The following WWOX variants were observed in gnomAD, a reference collection of about 807,000 sequenced individuals.
The protein encoded by WWOX is WW domain-containing oxidoreductase.
A neutral mutation model predicts 46.2 loss-of-function variants in WWOX; 69 were observed. The observed-to-expected ratio is 1.49, with a 90% CI of 1.23 to 1.82. The LOEUF is 1.82. Among genes scored for constraint, WWOX ranks in the 40% most tolerant of loss-of-function variants. The pLI is 0.00. For missense variants in WWOX, 919 were observed against 542.6 expected (o/e 1.69, Z -6.89); for synonymous variants, 359 against 202.6 (o/e 1.77, Z -6.56).
intron 5 of WWOX, among the ~76,000 whole-genome samples, chr16:78,269,999 T>A (rs551750109): frequency 1.3e-5 from 2 of 152,102 alleles, no homozygotes; most frequent in Non-Finnish European, 2.9e-5. Flanking sequence ...TTTCTGTTTT[T>A]AACTAAAGAT....
At chr16:78,312,331 G>C (rs1213504848) in intron 5 of WWOX, among the ~76,000 whole-genome samples, 4 of 150,162 alleles carry the variant, frequency 2.7e-5, no homozygotes, top group Admixed American at 1.3e-4. Context: ...TTCAAGTAAG[G>C]AAACACTTAT....
chr16:78,599,887 G>A (rs563744293), intron 8 of WWOX, among the ~76,000 whole-genome samples: 2 of 152,232 alleles, frequency 1.3e-5, no homozygotes, highest in South Asian at 2.1e-4. Flanking sequence ...GTCAACCACC[G>A]CATTTCTAGG....
intron 5 of WWOX, among the ~76,000 whole-genome samples, chr16:78,218,662 G>A (rs769914009): frequency 6.6e-6 from 1 of 152,190 alleles, no homozygotes; most frequent in African/African-American, 2.4e-5. Flanking sequence ...GATTTATGAT[G>A]TGTAGCGTGG....
intron 8 of WWOX, among the ~76,000 whole-genome samples, chr16:78,952,938 T>C (rs1238503718): frequency 6.6e-6 from 1 of 151,892 alleles, no homozygotes; most frequent in East Asian, 1.9e-4. Context: ...GCTCAGAAGA[T>C]GGATGGGCCA....
intron 8 of WWOX, among the ~76,000 whole-genome samples, chr16:79,049,319 C>T (rs767226598): frequency 3.9e-5 from 6 of 152,156 alleles, no homozygotes; most frequent in Non-Finnish European, 7.3e-5. Context: ...GCAAGCAGCA[C>T]GTGCCCGCTC....
At chr16:78,735,385 CCACACACAAACACACA>C (rs1310493621) in intron 8 of WWOX, among the ~76,000 whole-genome samples, 1 of 103,914 alleles carries the variant, frequency 9.6e-6, no homozygotes, top group Non-Finnish European at 1.8e-5. Context: ...GTCATACACA[CCACACACAAACACACA>C]CACACACACA....
chr16:78,640,640 T>C (rs2046684972), intron 8 of WWOX, among the ~76,000 whole-genome samples: 1 of 151,894 alleles, frequency 6.6e-6, no homozygotes, highest in African/African-American at 2.4e-5. Context: ...ACTTAAAAGT[T>C]GGTGAAAGAA....
intron 1 of WWOX, among the ~76,000 whole-genome samples, chr16:78,100,677 G>A (rs1238761367): frequency 1.3e-5 from 2 of 152,188 alleles, no homozygotes; most frequent in African/African-American, 4.8e-5. Flanking sequence ...GTTTAATCTT[G>A]GTTTTTTCAC....
At chr16:78,304,635 G>A (rs868411681) in intron 5 of WWOX, among the ~76,000 whole-genome samples, 11 of 152,216 alleles carry the variant, frequency 7.2e-5, no homozygotes, top group African/African-American at 2.2e-4. Context: ...ATAATCCATT[G>A]CAGAGCTGGT....
At chr16:79,153,759 G>T (rs993738976) in intron 8 of WWOX, among the ~76,000 whole-genome samples, 1 of 152,028 alleles carries the variant, frequency 6.6e-6, no homozygotes, top group Non-Finnish European at 1.5e-5. Flanking sequence ...TTTTTGGGGG[G>T]GGTTTTTTGT....
At chr16:78,843,351 C>T (rs985828212) in intron 8 of WWOX, among the ~76,000 whole-genome samples, 4 of 150,104 alleles carry the variant, frequency 2.7e-5, no homozygotes, top group African/African-American at 9.7e-5. Flanking sequence ...CATGTCCAAC[C>T]CAATCTGGAA....
intron 8 of WWOX, among the ~76,000 whole-genome samples, chr16:78,662,091 GGTA>G (rs201619749): frequency 8.6e-5 from 13 of 151,936 alleles, no homozygotes; most frequent in African/African-American, 3.1e-4. Flanking sequence ...TGGTGGTGGT[GGTA>G]GTAGTAGTAG....
chr16:79,211,710 G>C lies in WWOX; in HGVS notation c.1159G>C (p.Glu387Gln), dbSNP rs779872977. The C allele has an allele frequency of 6.2e-7, 1 of 1,614,244 alleles. No individual in the cohort carries two copies. Reference protein sequence around the residue: ...NNCCRCMPSPEAQSEETARTL... With the variant: ...NNCCRCMPSPQAQSEETARTL... ...CTGCTGCCGCTGCATGCCCTCACCA[G>C]AAGCTCAGAGCGAAGAGACGGCCCG... is the stretch of plus-strand genomic sequence containing the variant. Residue 387 changes from glutamate (E) to glutamine (Q), a missense_variant, in exon 9 of 9, where the codon GAA (glutamate) becomes CAA (glutamine). Glu to Gln is a conservative substitution (Grantham distance 29). Coordinates refer to ENST00000566780, the MANE Select transcript of WWOX (RefSeq NM_016373.4).
chr16:78,290,527 A>G (rs1233521047), intron 5 of WWOX, among the ~76,000 whole-genome samples: 1 of 152,172 alleles, frequency 6.6e-6, no homozygotes, highest in African/African-American at 2.4e-5. Context: ...AAGGGTCTGC[A>G]AGGGACCGTA....
intron 8 of WWOX, among the ~76,000 whole-genome samples, chr16:78,543,881 A>C (rs1194074172): frequency 6.6e-6 from 1 of 152,182 alleles, no homozygotes; most frequent in East Asian, 1.9e-4. Context: ...ATTTGTATCA[A>C]GGACGGTTGG....
intron 8 of WWOX, among the ~76,000 whole-genome samples, chr16:78,821,741 T>C (rs1597669678): frequency 6.6e-6 from 1 of 152,238 alleles, no homozygotes; most frequent in Admixed American, 6.5e-5. Context: ...TTTCTGAGGC[T>C]GGACTGAGTC....
At chr16:78,966,435 C>G (rs2046364158) in intron 8 of WWOX, among the ~76,000 whole-genome samples, 1 of 152,050 alleles carries the variant, frequency 6.6e-6, no homozygotes, top group African/African-American at 2.4e-5. Context: ...CTAAAATACC[C>G]TTCCACAATA....
intron 8 of WWOX, among the ~76,000 whole-genome samples, chr16:78,784,676 T>C (rs1266725616): frequency 1.3e-5 from 2 of 152,200 alleles, no homozygotes; most frequent in Non-Finnish European, 2.9e-5. Context: ...TCAGTGTCAG[T>C]GGTTCCCAAT....
At chr16:78,603,258 G>C (rs2045666532) in intron 8 of WWOX, among the ~76,000 whole-genome samples, 1 of 152,184 alleles carries the variant, frequency 6.6e-6, no homozygotes, top group Non-Finnish European at 1.5e-5. Flanking sequence ...CATAGTTTAA[G>C]TCATCAGGTG....
Sources: allele counts gnomAD v4.1 joint callset (sites outside exome capture counted in the v4.1 genomes callset), GRCh38; gene constraint gnomAD v4.1.1; transcripts MANE v1.5; gene names NCBI Gene and HGNC (gene_info 2026-07-23, HGNC 2026-07-21).